PAK3: variants seen among roughly 807,000 people sequenced by gnomAD.
PAK3 encodes the protein p21 (RAC1) activated kinase 3, also known as serine/threonine-protein kinase PAK 3.
PAK3 carries 4 observed loss-of-function variants against 41.0 expected under a neutral mutation model. The ratio of observed to expected loss-of-function variants is 0.10; its 90% CI spans 0.05 to 0.22. The LOEUF is 0.22. PAK3 is among the 10% of genes least tolerant of loss of function. The probability of loss-of-function intolerance (pLI) is 1.00; values close to 1 mark genes in which losing one functional copy is unlikely to be tolerated. For synonymous variants in PAK3, 146 were observed against 139.6 expected, an observed-to-expected ratio of 1.05 and a Z score of -0.32; for missense variants, 205 against 409.9, an observed-to-expected ratio of 0.50 and a Z score of 4.32.
At position 111,193,410 on chromosome X, in the gene PAK3, C is replaced by T. The variant is rs777759818; in HGVS notation, c.992+792C>T. Among the ~76,000 whole-genome samples the T allele has an allele frequency of 8.6e-3, 842 of 97,974 alleles. 9 individuals are homozygous for T. Among genetic ancestry groups the T allele is most frequent in the Non-Finnish European group, 0.012 (615 of 50,076 alleles). The allele number at this position is 97,974 out of a possible 115,157, so 85.1% of individuals were successfully genotyped here. ...TGTCGCCCAGGCTAGAGTGCAGTGG[C>T]GTGATCTCAGCTCACTGCAACCTCT... On this transcript the variant is annotated intron_variant, in intron 13 of 17. Transcript: ENST00000372007.
At chrX:111,078,858 A>G (rs1474084855) in intron 1 of PAK3, among the ~76,000 whole-genome samples, 1 of 112,161 alleles carries the variant, frequency 8.9e-6, no homozygotes, top group Non-Finnish European at 1.9e-5. Flanking sequence ...ATGAATGATG[A>G]GAAAACAAAA....
chrX:111,077,728 A>C (rs2092798772), intron 1 of PAK3, among the ~76,000 whole-genome samples: 1 of 111,582 alleles, frequency 9.0e-6, no homozygotes, highest in African/African-American at 3.3e-5. Flanking sequence ...ATAGGGAAAA[A>C]CCTCTGTGAC....
chrX:111,187,861 CAT>C (rs1440972240), intron 11 of PAK3, among the ~76,000 whole-genome samples: 1 of 109,185 alleles, frequency 9.2e-6, no homozygotes, highest in Non-Finnish European at 1.9e-5. Flanking sequence ...CACCTAACAA[CAT>C]GTTTGGTTTG....
chrX:111,220,434 A>C lies in PAK3; in HGVS notation c.1622A>C (p.Asn541Thr). 1 of 1,180,776 alleles carries C rather than the reference A, an allele frequency of 8.5e-7. No homozygotes were observed. The highest frequency in any genetic ancestry group is 2.3e-4 in the Middle Eastern group (1 of 4,268). The change falls in exon 18 of 18, where the codon AAC (asparagine) becomes ACC (threonine). Residue 541 changes from asparagine to threonine, a missense_variant. Physicochemically the swap from Asn to Thr is moderately conservative, Grantham distance 65 (BLOSUM62 0). Transcript: ENST00000372007. ...ATCGCTGCAAAGGAAGCAATTAAGA[A>C]CAGCAGCCGCTAAGACTGCAAGCCT... ...LIIAAKEAIK[N>T]SSR
chrX:111,150,985 A>C (rs1462575997), intron 7 of PAK3, among the ~76,000 whole-genome samples: 1 of 111,731 alleles, frequency 9.0e-6, no homozygotes, highest in Non-Finnish European at 1.9e-5. Context: ...GAAAGGGAAG[A>C]GTGTCTGATT....
At chrX:111,098,226 A>G (rs1024916165) in intron 3 of PAK3, among the ~76,000 whole-genome samples, 1 of 110,278 alleles carries the variant, frequency 9.1e-6, no homozygotes, top group South Asian at 4.0e-4. Context: ...GGGAAACGAG[A>G]AATAAAAAGA....
intron 5 of PAK3, among the ~76,000 whole-genome samples, chrX:111,129,816 G>C (rs765474334): frequency 9.0e-6 from 1 of 111,555 alleles, no homozygotes; most frequent in South Asian, 3.8e-4. Flanking sequence ...TGGAATAAGA[G>C]GGGAAGACAG....
At chrX:111,092,547 T>A (rs1188122821), upstream of PAK3, among the ~76,000 whole-genome samples, 1 of 112,071 alleles carries the variant, frequency 8.9e-6, no homozygotes, top group Non-Finnish European at 1.9e-5. Context: ...AAAATATGTA[T>A]CTACCATAAT....
chrX:111,062,806 C>G (rs1300611052), intron 1 of PAK3, among the ~76,000 whole-genome samples: 1 of 107,200 alleles, frequency 9.3e-6, no homozygotes, highest in African/African-American at 3.4e-5. Flanking sequence ...TTCCAACTCT[C>G]CATTAAACTG....
chrX:110,970,472 T>A (rs932306892), intron 1 of PAK3, among the ~76,000 whole-genome samples: 2 of 111,426 alleles, frequency 1.8e-5, no homozygotes, highest in Admixed American at 9.5e-5. Context: ...CTGGAAACCA[T>A]CATCCTCAGC....
At chrX:111,056,322 TA>T (rs1043943528) in intron 1 of PAK3, among the ~76,000 whole-genome samples, 53 of 111,982 alleles carry the variant, frequency 4.7e-4, no homozygotes, top group African/African-American at 1.4e-3. Flanking sequence ...AGACTCTGGG[TA>T]AAAAAGTCAA....
In PAK3 at chrX:111,220,855, G is replaced by A. The variant is rs2094921976; in HGVS notation, c.*408G>A. 9.4e-6 allele frequency: 1 copy of A among 106,081 alleles called. No homozygotes were observed. Among genetic ancestry groups the A allele is most frequent in the Non-Finnish European group, 1.9e-5 (1 of 53,926 alleles). 8.7% of individuals were successfully genotyped at this position (106,081 alleles called of 1,213,427 possible). ...TCCTTCAAAACTCCTTACCCAATGT[G>A]ATGTTTTTCACTTGCATTGTCATTA... On this transcript the variant is annotated 3_prime_UTR_variant, in exon 18 of 18. Coordinates refer to ENST00000372007, the MANE Select transcript of PAK3 (RefSeq NM_002578.5).
At chrX:111,106,035 A>G (rs906394273) in intron 4 of PAK3, among the ~76,000 whole-genome samples, 2 of 111,504 alleles carry the variant, frequency 1.8e-5, no homozygotes, top group Non-Finnish European at 3.8e-5. Flanking sequence ...TACACTCAAA[A>G]TTATACACGC....
At chrX:110,973,869 A>G (rs1193852970) in intron 1 of PAK3, among the ~76,000 whole-genome samples, 4 of 111,954 alleles carry the variant, frequency 3.6e-5, no homozygotes, top group Non-Finnish European at 7.5e-5. Context: ...ATGGAGGAAG[A>G]TCTACCAAGC....
At chrX:110,961,850 T>C (rs967637724) in intron 1 of PAK3, among the ~76,000 whole-genome samples, 5 of 112,327 alleles carry the variant, frequency 4.5e-5, no homozygotes, top group Non-Finnish European at 9.4e-5. Flanking sequence ...TGAATAGTTC[T>C]GTCTTTTTCT....
At chrX:111,050,208 G>C (rs1829742791) in intron 1 of PAK3, among the ~76,000 whole-genome samples, 1 of 111,111 alleles carries the variant, frequency 9.0e-6, no homozygotes, top group South Asian at 3.9e-4. Flanking sequence ...TTTTTTCCCA[G>C]GTAGGGGGTT....
chrX:111,027,560 T>A (rs1169933598), intron 1 of PAK3, among the ~76,000 whole-genome samples: 1 of 111,944 alleles, frequency 8.9e-6, no homozygotes, highest in Non-Finnish European at 1.9e-5. Flanking sequence ...AACAAGCATA[T>A]GGAAAAATGC....
intron 3 of PAK3, among the ~76,000 whole-genome samples, chrX:111,100,638 C>T (rs1479882459): frequency 8.9e-6 from 1 of 111,822 alleles, no homozygotes; most frequent in East Asian, 2.8e-4. Context: ...AGGTTCCAAA[C>T]CTCCTTTCCT....
At chrX:111,193,745 C>CAAAAACA (rs201306607) in intron 13 of PAK3, among the ~76,000 whole-genome samples, 3 of 103,412 alleles carry the variant, frequency 2.9e-5, no homozygotes, top group Non-Finnish European at 5.9e-5. Context: ...TGTAATTTTG[C>CAAAAACA]AAAAACAAAA....
Sources: allele counts gnomAD v4.1 joint callset (sites outside exome capture counted in the v4.1 genomes callset), GRCh38; gene constraint gnomAD v4.1.1; transcripts MANE v1.5; gene names NCBI Gene and HGNC (gene_info 2026-07-23, HGNC 2026-07-21).